DYRK4: variants seen among roughly 807,000 people sequenced by gnomAD.
The protein encoded by DYRK4 is dual specificity tyrosine-phosphorylation-regulated kinase 4.
DYRK4 carries 64 observed loss-of-function variants against 68.3 expected under a neutral mutation model. The ratio of observed to expected loss-of-function variants is 0.94; its 90% CI spans 0.77 to 1.15. DYRK4 has a LOEUF of 1.15. Ranked by LOEUF, DYRK4 falls within the 50% of genes most tolerant of loss-of-function variation. DYRK4 has a pLI of 0.00. For missense variants in DYRK4, 740 were observed against 764.7 expected (o/e 0.97, Z 0.38); for synonymous variants, 274 against 289.9 (o/e 0.95, Z 0.56).
At chr12:4,599,591 T>C (rs1945058380) in intron 9 of DYRK4, 116 bp from the exon 10 acceptor site, 1 of 697,718 alleles carries the variant, frequency 1.4e-6, no homozygotes, top group African/African-American at 1.8e-5. Context: ...TGTGGGAGGA[T>C]GCCCATGGAG....
At chr12:4,607,439 ATACC>A (rs1418587613) in intron 12 of DYRK4, 52 bp downstream of exon 12, 1 of 1,580,098 alleles carries the variant, frequency 6.3e-7, no homozygotes. Context: ...GACACCTGCC[ATACC>A]TTAAGGCTCA....
At chr12:4,600,774 C>T (rs1375968454) in intron 10 of DYRK4, among the ~76,000 whole-genome samples, 2 of 151,938 alleles carry the variant, frequency 1.3e-5, no homozygotes, top group African/African-American at 4.8e-5. Context: ...CCTGGAAGCT[C>T]TCTGAATCCT....
rs146727634 is a variant in DYRK4 at position 4,604,307 on chromosome 12, C to A, written c.1127-607C>A. Among the ~76,000 whole-genome samples the A allele has an allele frequency of 3.4e-3, 513 of 152,258 alleles. 1 individual carries two copies. The highest frequency in any genetic ancestry group is 0.011 in the African/African-American group (464 of 41,534). ...TTTAAATCACAGAATTATGTTCTGA[C>A]AATAACCAATTTAAACAACAGAAAA... On this transcript the variant is annotated intron_variant, in intron 10 of 14. Coordinates refer to ENST00000543431, the MANE Select transcript of DYRK4 (RefSeq NM_001394779.1).
chr12:4,586,041 T>C (rs1453141854), intron 2 of DYRK4, among the ~76,000 whole-genome samples: 1 of 152,130 alleles, frequency 6.6e-6, no homozygotes, highest in Non-Finnish European at 1.5e-5. Flanking sequence ...AGCAAGATCC[T>C]GTCTCTACCA....
chr12:4,610,159 C>G lies in DYRK4; in HGVS notation c.1365C>G (p.Ser455=), dbSNP rs775561343. ...CAGAATGTTCTATCTCTACAGATTC[C>G]AAAGGTTTTCCTAAAAATATAACCA... The part of the protein sequence containing the change: ...TASRRQTFFD[S]KGFPKNITNN... The change falls in exon 13 of 15, where the codon TCC becomes TCG. Residue 455 remains serine, a synonymous_variant. Transcript: ENST00000543431. The G allele has an allele frequency of 6.3e-7, 1 of 1,591,022 alleles. No homozygotes were observed. The highest frequency in any genetic ancestry group is 1.4e-5 in the African/African-American group (1 of 73,548).
Position 4,590,329 on chromosome 12 carries a change from G to T in DYRK4, c.214-1G>T. The T allele has an allele frequency of 6.5e-7, 1 of 1,533,750 alleles. No individual in the cohort carries two copies. The stretch of plus-strand genomic sequence containing the variant: ...AACACATGCAATTTCTCCTTCTACA[G>T]AACACCAGTGTTACTTCACTCCCCT... On this transcript the variant is annotated splice_acceptor_variant, in intron 3 of 14. Transcript: ENST00000543431. LOFTEE classifies it high-confidence loss of function.
At chr12:4,576,726 T>A (rs1944793351) in intron 2 of DYRK4, among the ~76,000 whole-genome samples, 1 of 152,354 alleles carries the variant, frequency 6.6e-6, no homozygotes, top group South Asian at 2.1e-4. Flanking sequence ...TGTAGTGGCA[T>A]CTCATTGTTT....
chr12:4,589,661 A>G (rs1431473927), intron 3 of DYRK4, among the ~76,000 whole-genome samples: 3 of 152,148 alleles, frequency 2.0e-5, no homozygotes, highest in Non-Finnish European at 4.4e-5. Flanking sequence ...ACAGGTTCTC[A>G]TCCTTTTTTA....
At chr12:4,612,850 A>T in intron 14 of DYRK4, 132 bp downstream of exon 14, 1 of 947,440 alleles carries the variant, frequency 1.1e-6, no homozygotes, top group Non-Finnish European at 1.6e-6. Flanking sequence ...TGTTTTTAAT[A>T]TTCTGTTTAA....
In DYRK4 at chr12:4,562,239, C is replaced by G; in HGVS notation, c.-7C>G. 6.5e-7 allele frequency: 1 copy of G among 1,529,502 alleles called. No individual in the cohort carries two copies. The highest frequency in any genetic ancestry group is 2.5e-5 in the East Asian group (1 of 40,276). The allele number at this position is 1,529,502 out of a possible 1,614,324, so 94.7% of individuals were successfully genotyped here. A position where few individuals can be genotyped will look rare whatever the true frequency, so the allele number is the denominator to read the frequency against. On this transcript the variant is annotated 5_prime_UTR_variant, in exon 1 of 15. Coordinates refer to ENST00000543431, the MANE Select transcript of DYRK4 (RefSeq NM_001394779.1). Reference sequence around the variant, plus strand: ...TCCCGCAGCGGCGGGCGGTCAGCGCCGGCCTCATGCAGCTCCTCCCGCCGC... The same window carrying G: ...TCCCGCAGCGGCGGGCGGTCAGCGCGGGCCTCATGCAGCTCCTCCCGCCGC...
intron 1 of DYRK4, among the ~76,000 whole-genome samples, chr12:4,564,835 A>G (rs999525957): frequency 6.6e-6 from 1 of 152,232 alleles, no homozygotes; most frequent in African/African-American, 2.4e-5. Flanking sequence ...TTAAAAATGC[A>G]GGATCACCAT....
chr12:4,606,581 A>C (rs567669903), intron 11 of DYRK4, among the ~76,000 whole-genome samples: 1 of 152,282 alleles, frequency 6.6e-6, no homozygotes, highest in South Asian at 2.1e-4. Context: ...TGGACTATAA[A>C]ATGAGGGGAG....
intron 6 of DYRK4, among the ~76,000 whole-genome samples, chr12:4,595,889 C>T (rs1442812957): frequency 1.3e-5 from 2 of 152,222 alleles, no homozygotes; most frequent in Non-Finnish European, 2.9e-5. Context: ...CTAAAACCAT[C>T]CAATGTCCTT....
At chr12:4,584,421 G>C (rs1944874012) in intron 2 of DYRK4, among the ~76,000 whole-genome samples, 2 of 152,188 alleles carry the variant, frequency 1.3e-5, no homozygotes, top group African/African-American at 4.8e-5. Context: ...AGAAGAGCAG[G>C]ATCACAGGAC....
At chr12:4,579,798 A>C (rs1944823397) in intron 2 of DYRK4, among the ~76,000 whole-genome samples, 1 of 152,212 alleles carries the variant, frequency 6.6e-6, no homozygotes, top group African/African-American at 2.4e-5. Flanking sequence ...CACTATCAGA[A>C]TAAAAGCATG....
intron 10 of DYRK4, 140 bp from the exon 11 acceptor site, chr12:4,604,774 G>A: frequency 1.0e-6 from 1 of 954,568 alleles, no homozygotes; most frequent in Non-Finnish European, 1.5e-6. Flanking sequence ...TGGTGTAATG[G>A]GAGTTCTAAG....
At chr12:4,603,006 A>G in intron 10 of DYRK4, 1 of 926,386 alleles carries the variant, frequency 1.1e-6, no homozygotes, top group South Asian at 1.6e-5. Flanking sequence ...TCTTGATTCT[A>G]TAGAAGCTTG....
At chr12:4,589,249 A>G (rs1035115475) in intron 3 of DYRK4, among the ~76,000 whole-genome samples, 4 of 152,244 alleles carry the variant, frequency 2.6e-5, no homozygotes, top group African/African-American at 9.6e-5. Context: ...TAGTAGGTAC[A>G]TATATTTATG....
At chr12:4,601,713 T>C (rs1479027709) in intron 10 of DYRK4, among the ~76,000 whole-genome samples, 1 of 152,216 alleles carries the variant, frequency 6.6e-6, no homozygotes, top group Non-Finnish European at 1.5e-5. Flanking sequence ...ACTTTACATA[T>C]ATATCTTTTT....
Sources: allele counts gnomAD v4.1 joint callset (sites outside exome capture counted in the v4.1 genomes callset), GRCh38; gene constraint gnomAD v4.1.1; transcripts MANE v1.5; gene names NCBI Gene and HGNC (gene_info 2026-07-23, HGNC 2026-07-21).